Variants in TPRA1 observed in about 807,000 individuals in gnomAD.
TPRA1 encodes transmembrane protein adipocyte associated 1, also known as transmembrane protein adipocyte-associated 1.
A neutral mutation model predicts 40.1 loss-of-function variants in TPRA1; 28 were observed. The ratio of observed to expected loss-of-function variants is 0.70; its 90% confidence interval spans 0.52 to 0.96. The LOEUF (loss-of-function observed/expected upper bound fraction) is 0.96. Ranked by LOEUF, TPRA1 falls within the 40% of genes least tolerant of loss-of-function variation. TPRA1 has a pLI of 0.00. For missense variants in TPRA1, 441 were observed against 482.6 expected, an observed-to-expected ratio of 0.91 and a Z score of 0.81; for synonymous variants, 219 against 209.7, an observed-to-expected ratio of 1.04 and a Z score of -0.38.
At chr3:127,597,630 T>C (rs975904725) in intron 1 of TPRA1, among the ~76,000 whole-genome samples, 6 of 152,188 alleles carry the variant, frequency 3.9e-5, no homozygotes, top group Admixed American at 2.0e-4. Context: ...ACATCCTCCC[T>C]GCGTCTTCGC....
chr3:127,587,843 G>A (rs1003313046), intron 1 of TPRA1, among the ~76,000 whole-genome samples: 1 of 151,990 alleles, frequency 6.6e-6, no homozygotes, highest in Non-Finnish European at 1.5e-5. Context: ...AGGGCAAGGA[G>A]GGAAAGGAAT....
At chr3:127,580,193 G>T (rs994737006) in intron 1 of TPRA1, 30 bp from the exon 2 acceptor site, 13 of 1,596,328 alleles carry the variant, frequency 8.1e-6, no homozygotes, top group Non-Finnish European at 1.1e-5. Context: ...CCAGTGAGCT[G>T]TGTGGCCTGG....
rs1290484453 is a variant in TPRA1 at position 127,579,861 on chromosome 3, CA to C, written c.136del (p.Trp46GlyfsTer57). ...ATTGGGGATGAGCAGCAAGAGGTCCCAGTACCGGACCCTGGCGGATGGGCAC... is the reference window on the plus strand; with the variant it reads ...ATTGGGGATGAGCAGCAAGAGGTCCCGTACCGGACCCTGGCGGATGGGCAC... ...EDIGTSRVRY[W>X]DLLLLIPNVL... is the part of the protein sequence containing the mutation. On this transcript the variant is annotated frameshift_variant, in exon 3 of 11. Transcript: ENST00000355552. LOFTEE classifies it high-confidence loss of function. 1 of 1,613,778 alleles carries C rather than the reference CA, an allele frequency of 6.2e-7. No individual in the cohort carries two copies. The highest frequency in any genetic ancestry group is 1.3e-5 in the African/African-American group (1 of 75,012).
upstream of TPRA1, chr3:127,595,418 T>G (rs2074231409): frequency 6.6e-6 from 1 of 152,280 alleles, no homozygotes; most frequent in Admixed American, 6.5e-5. Flanking sequence ...AACTAGTAAC[T>G]CACATTCACC....
At chr3:127,591,784 C>T (rs963566868), upstream of TPRA1, 21 of 152,192 alleles carry the variant, frequency 1.4e-4, no homozygotes, top group African/African-American at 5.1e-4. Context: ...AGGATGGAGC[C>T]AAGAGAGCCA....
rs1170359441 is a variant in TPRA1 at position 127,571,943 on chromosome 3, C to A, written c.*1578G>T. The A allele has an allele frequency of 2.0e-5, 3 of 152,244 alleles. No homozygotes were observed. The highest frequency in any genetic ancestry group is 4.4e-5 in the Non-Finnish European group (3 of 68,050). 9.4% of individuals were successfully genotyped at this position (152,244 alleles called of 1,614,324 possible). ...GTGCCATCTTGGACTGCATGTGGAT[C>A]TGATGGTCAAATCCCTGCTGGCCCC... On this transcript the variant is annotated 3_prime_UTR_variant, in exon 11 of 11. Coordinates refer to ENST00000355552, the MANE Select transcript of TPRA1 (RefSeq NM_001136053.4).
chr3:127,575,256 AT>A lies in TPRA1; in HGVS notation c.782del (p.Asp261ValfsTer247). 6.2e-7 allele frequency: 1 copy of A among 1,613,954 alleles called. No individual in the cohort carries two copies. Among genetic ancestry groups the A allele is most frequent in the South Asian group, 1.1e-5 (1 of 91,076 alleles). On this transcript the variant is annotated frameshift_variant, in exon 10 of 11. Transcript: ENST00000355552. LOFTEE classifies it high-confidence loss of function. ...AGCTGAAGTACAGGAAGGTTGTGGC[AT>A]CTACACAGCTGCGGAGAAGGCGGGT... is the stretch of plus-strand genomic sequence containing the variant. ...FDIIEGLCCV[D>X]ATTFLYFSFF...
chr3:127,582,209 T>C (rs1188944173), intron 1 of TPRA1, among the ~76,000 whole-genome samples: 1 of 152,110 alleles, frequency 6.6e-6, no homozygotes, highest in Non-Finnish European at 1.5e-5. Flanking sequence ...GGGCGGGCCA[T>C]GGGCTGGGGC....
chr3:127,580,290 AC>A, intron 1 of TPRA1, 127 bp from the exon 2 acceptor site: 1 of 1,078,764 alleles, frequency 9.3e-7, no homozygotes, highest in Non-Finnish European at 1.3e-6. Flanking sequence ...CACCCTCCCC[AC>A]CCACTGCAGC....
upstream of TPRA1, among the ~76,000 whole-genome samples, chr3:127,592,355 G>A (rs2720269): frequency 0.1 from 15,167 of 150,224 alleles, 1,141 homozygotes; most frequent in East Asian, 0.24. Context: ...AGGCGGTGTG[G>A]AGCAACATGC....
intron 1 of TPRA1, among the ~76,000 whole-genome samples, chr3:127,586,315 T>C (rs2073998818): frequency 1.3e-5 from 2 of 152,220 alleles, no homozygotes; most frequent in South Asian, 2.1e-4. Flanking sequence ...AGGGAGATTC[T>C]ACAGCCCTCT....
At chr3:127,573,931 G>T in intron 10 of TPRA1, 143 bp from the exon 11 acceptor site, 1 of 1,139,924 alleles carries the variant, frequency 8.8e-7, no homozygotes, top group Non-Finnish European at 1.2e-6. Flanking sequence ...CTGTGAGCTG[G>T]ACCCCAGAGC....
At chr3:127,577,307 G>A (rs777966557) in intron 3 of TPRA1, among the ~76,000 whole-genome samples, 1 of 152,186 alleles carries the variant, frequency 6.6e-6, no homozygotes, top group African/African-American at 2.4e-5. Context: ...TCCCTCTCGG[G>A]GCCCCAGCTT....
chr3:127,593,340 T>C (rs1344150871), upstream of TPRA1, among the ~76,000 whole-genome samples: 1 of 152,178 alleles, frequency 6.6e-6, no homozygotes, highest in Non-Finnish European at 1.5e-5. Context: ...CTGATAGCCA[T>C]GGGGATGACA....
Position 127,573,588 on chromosome 3 carries a change from G to A in TPRA1, c.1055C>T (p.Ser352Phe). The stretch of plus-strand genomic sequence containing the variant: ...GATGCTGCCAGTGTGGCAGGGCATG[G>A]AAGCGATGTCATCCAGGTAGGCCAC... ...GGVAYLDDIA[S>F]MPCHTGSINS... Residue 352 changes from serine to phenylalanine, a missense_variant, in exon 11 of 11, where the codon TCC becomes TTC. Physicochemically the swap from Ser to Phe is radical, Grantham distance 155 (BLOSUM62 -2). Coordinates refer to ENST00000355552, the MANE Select transcript of TPRA1 (RefSeq NM_001136053.4). The A allele has an allele frequency of 1.2e-6, 2 of 1,613,194 alleles. No homozygotes were observed. Among genetic ancestry groups the A allele is most frequent in the Non-Finnish European group, 1.7e-6 (2 of 1,180,014 alleles).
In TPRA1 at chr3:127,571,243, C is replaced by T. The variant is rs1222618844; in HGVS notation, c.*2278G>A. ...CATACTTACATCCATTGGCCAGAAC[C>T]CACCTGCAAGGAAGGCTAGAAAATG... On this transcript the variant is annotated 3_prime_UTR_variant, in exon 11 of 11. Coordinates refer to ENST00000355552, the MANE Select transcript of TPRA1 (RefSeq NM_001136053.4). 2.6e-5 allele frequency: 4 copies of T among 152,208 alleles called. No homozygotes were observed. The highest frequency in any genetic ancestry group is 9.7e-5 in the African/African-American group (4 of 41,436). 9.4% of individuals were successfully genotyped at this position (152,208 alleles called of 1,614,324 possible). A position where few individuals can be genotyped will look rare whatever the true frequency, so the allele number is the denominator to read the frequency against.
chr3:127,596,541 C>A (rs530123871), intron 1 of TPRA1, among the ~76,000 whole-genome samples: 3 of 152,210 alleles, frequency 2.0e-5, no homozygotes, highest in Non-Finnish European at 4.4e-5. Flanking sequence ...TAGACCTTCT[C>A]ATCTCCCTGC....
rs1421686610 is a variant in TPRA1 at position 127,575,225 on chromosome 3, C to A, written c.814G>T (p.Ala272Ser). The A allele has an allele frequency of 6.2e-7, 1 of 1,614,028 alleles. No homozygotes were observed. The highest frequency in any genetic ancestry group is 8.5e-7 in the Non-Finnish European group (1 of 1,179,978). ...AGGAAAGCCACGTAGATGAGCGGAG[C>A]GAAGAAGCTGAAGTACAGGAAGGTT... ...ATTFLYFSFF[A>S]PLIYVAFLRG... Residue 272 changes from alanine to serine, a missense_variant, in exon 10 of 11, where the codon GCT becomes TCT. Transcript: ENST00000355552.
At chr3:127,582,141 G>T (rs894273058) in intron 1 of TPRA1, among the ~76,000 whole-genome samples, 1 of 152,096 alleles carries the variant, frequency 6.6e-6, no homozygotes, top group African/African-American at 2.4e-5. Context: ...TCCATTGCTG[G>T]TCCAAGCCCT....
Sources: allele counts gnomAD v4.1 joint callset (sites outside exome capture counted in the v4.1 genomes callset), GRCh38; gene constraint gnomAD v4.1.1; transcripts MANE v1.5; gene names NCBI Gene and HGNC (gene_info 2026-07-23, HGNC 2026-07-21).